The following TUBD1 variants were observed in gnomAD, a reference collection of about 807,000 sequenced individuals.
TUBD1 encodes the protein tubulin delta 1, also known as tubulin delta chain.
Under a neutral mutation model 51.2 loss-of-function variants are expected in TUBD1, and 38 were observed. The ratio of observed to expected loss-of-function variants is 0.74; its 90% CI spans 0.57 to 0.97. The LOEUF is 0.97. Ranked by LOEUF, TUBD1 falls within the 50% of genes least tolerant of loss-of-function variation. The pLI, the probability that TUBD1 is intolerant of heterozygous loss-of-function variation, is 0.00. For synonymous variants in TUBD1, 169 were observed against 178.2 expected, an observed-to-expected ratio of 0.95 and a Z score of 0.41; for missense variants, 489 against 538.4, an observed-to-expected ratio of 0.91 and a Z score of 0.91.
At chr17:59,876,865 A>ATTCTTTTTTTTT (rs2040248178) in intron 5 of TUBD1, among the ~76,000 whole-genome samples, 1 of 146,130 alleles carries the variant, frequency 6.8e-6, no homozygotes, top group South Asian at 2.2e-4. Flanking sequence ...TACCTTAACC[A>ATTCTTTTTTTTT]TTCTTTTTTT....
At chr17:59,872,791 A>G (rs1272028311) in intron 6 of TUBD1, among the ~76,000 whole-genome samples, 3 of 143,784 alleles carry the variant, frequency 2.1e-5, no homozygotes, top group Non-Finnish European at 3.0e-5. Flanking sequence ...TTTGAGATGG[A>G]GTTTCACTGT....
chr17:59,881,999 T>C (rs1480796813), intron 3 of TUBD1, among the ~76,000 whole-genome samples: 2 of 152,124 alleles, frequency 1.3e-5, no homozygotes, highest in African/African-American at 2.4e-5. Flanking sequence ...TACAATAAAT[T>C]ATTGTTAACT....
At position 59,892,837 on chromosome 17, in the gene TUBD1, A is replaced by AT; in HGVS notation, c.-181dup. On this transcript the variant is annotated 5_prime_UTR_variant, in exon 1 of 9. Coordinates refer to ENST00000325752, the MANE Select transcript of TUBD1 (RefSeq NM_016261.4). ...AAACGGAGAGTTTTGTTGTGTATAT[A>AT]TTTTTTCCTATTCAGAAAGATTAAT... 1.2e-5 allele frequency: 3 copies of AT among 248,252 alleles called. No homozygotes were observed. Among genetic ancestry groups the AT allele is most frequent in the Non-Finnish European group, 2.4e-5 (3 of 124,042 alleles). The allele number at this position is 248,252 out of a possible 1,614,324, so 15.4% of individuals were successfully genotyped here. A position where few individuals can be genotyped will look rare whatever the true frequency, so the allele number is the denominator to read the frequency against.
At chr17:59,882,272 A>AT (rs1349936801) in intron 3 of TUBD1, among the ~76,000 whole-genome samples, 1 of 150,278 alleles carries the variant, frequency 6.7e-6, no homozygotes, top group Non-Finnish European at 1.5e-5. Context: ...CTCCTTTTTT[A>AT]TTTTTTTTGT....
chr17:59,886,155 G>C lies in TUBD1; in HGVS notation c.248C>G (p.Ser83Cys), dbSNP rs781124264. ...ATGTTGACCATATTTCCATTGGCCA[G>C]ACTGGGCAGCCTTTGACAGCATTTG... is the stretch of plus-strand genomic sequence containing the variant. Reference protein sequence around the residue: ...INQMLSKAAQSGQWKYGQHAC... With the variant: ...INQMLSKAAQCGQWKYGQHAC... The change falls in exon 3 of 9, where the codon TCT becomes TGT. Residue 83 changes from serine to cysteine, a missense_variant. By Grantham distance (112) the Ser-to-Cys change is moderately radical (BLOSUM62 -1). Transcript: ENST00000325752. The C allele has an allele frequency of 6.2e-7, 1 of 1,613,868 alleles. No individual in the cohort carries two copies. The highest frequency in any genetic ancestry group is 1.7e-5 in the Admixed American group (1 of 59,964).
intron 3 of TUBD1, chr17:59,885,495 C>A: frequency 1.3e-6 from 2 of 1,579,582 alleles, no homozygotes; most frequent in Non-Finnish European, 1.7e-6. Flanking sequence ...ATAATCTGTA[C>A]CTGGAACGAG....
chr17:59,885,424 T>C, intron 3 of TUBD1: 4 of 1,252,420 alleles, frequency 3.2e-6, no homozygotes, highest in Non-Finnish European at 4.7e-6. Context: ...GATATTCATG[T>C]TCTGGGTGGG....
chr17:59,864,312 A>G (rs2039601065), intron 7 of TUBD1, among the ~76,000 whole-genome samples: 1 of 144,560 alleles, frequency 6.9e-6, no homozygotes, highest in African/African-American at 2.6e-5. Context: ...TGCCTGCCTA[A>G]TTGTTGTATT....
At chr17:59,873,054 C>T (rs1394915344) in intron 6 of TUBD1, among the ~76,000 whole-genome samples, 3 of 151,598 alleles carry the variant, frequency 2.0e-5, no homozygotes, top group Non-Finnish European at 4.4e-5. Context: ...TGAGCTACTG[C>T]GCCCAGGCCA....
At chr17:59,880,097 CGCCA>C (rs2040414340) in intron 4 of TUBD1, among the ~76,000 whole-genome samples, 1 of 150,122 alleles carries the variant, frequency 6.7e-6, no homozygotes, top group Non-Finnish European at 1.5e-5. Context: ...CTCGCTCTGT[CGCCA>C]GGCTGGAGTG....
chr17:59,890,995 A>C lies in TUBD1; in HGVS notation c.8T>G (p.Ile3Ser). MSIVTVQLGQCGN... is the reference protein window; with the variant it reads MSSVTVQLGQCGN... ...ACACTGACCAAGTTGCACTGTTACA[A>C]TTGACATGCTGAGCCACAAACTAGG... The change falls in exon 2 of 9, where the codon ATT becomes AGT. Residue 3 changes from isoleucine to serine, a missense_variant. By Grantham distance (142) the Ile-to-Ser change is moderately radical. Transcript: ENST00000325752. 6.2e-7 allele frequency: 1 copy of C among 1,609,998 alleles called. No homozygotes were observed. Among genetic ancestry groups the C allele is most frequent in the South Asian group, 1.1e-5 (1 of 90,206 alleles).
rs947978919 is a variant in TUBD1, at chr17:59,887,538, G to T, written c.173-1308C>A. ...TGTTGGAGCAGAGGATGGAGAAGGAGAGGGTAGAAGTGATGGATGGGGATG... is the reference window on the plus strand; with the variant it reads ...TGTTGGAGCAGAGGATGGAGAAGGATAGGGTAGAAGTGATGGATGGGGATG... On this transcript the variant is annotated intron_variant, in intron 2 of 8. Transcript: ENST00000325752. Among the ~76,000 whole-genome samples, 26 of 152,306 alleles carry T rather than the reference G, an allele frequency of 1.7e-4. No individual in the cohort carries two copies. The East Asian group carries it at 2.5e-3, about 15-fold the overall frequency.
Position 59,878,247 on chromosome 17 carries a change from T to C in TUBD1, c.625A>G (p.Ile209Val), listed in dbSNP as rs1459947580. Residue 209 changes from isoleucine (I) to valine (V), a missense_variant, in exon 5 of 9, where the codon ATC (isoleucine) becomes GTC (valine). Transcript: ENST00000325752. ...DALLLHENDA[I>V]HKICAKLMNI... ...ATCAGTTTTGCACAGATCTTATGGA[T>C]GGCATCATTCTCATGAAGAAGGAGG... 5 of 1,613,976 alleles carry C rather than the reference T, an allele frequency of 3.1e-6. No individual in the cohort carries two copies. Among genetic ancestry groups the C allele is most frequent in the East Asian group, 2.2e-5 (1 of 44,884 alleles).
chr17:59,884,007 T>G (rs1252919247), intron 3 of TUBD1, among the ~76,000 whole-genome samples: 1 of 152,110 alleles, frequency 6.6e-6, no homozygotes, highest in East Asian at 1.9e-4. Context: ...ATGCCTGTAA[T>G]CCTAGCACTT....
At chr17:59,869,705 T>C (rs1319982564) in intron 6 of TUBD1, among the ~76,000 whole-genome samples, 5 of 152,112 alleles carry the variant, frequency 3.3e-5, no homozygotes. Flanking sequence ...TTTCTACTTA[T>C]CTCCAAACCT....
chr17:59,864,329 A>G (rs1297574053), intron 7 of TUBD1, among the ~76,000 whole-genome samples: 1 of 150,686 alleles, frequency 6.6e-6, no homozygotes, highest in Non-Finnish European at 1.5e-5. Flanking sequence ...TATTTTTTGT[A>G]GAGATGGGGT....
intron 6 of TUBD1, among the ~76,000 whole-genome samples, chr17:59,868,768 C>A (rs533219133): frequency 6.6e-6 from 1 of 151,858 alleles, no homozygotes; most frequent in Non-Finnish European, 1.5e-5. Flanking sequence ...ACCCGGGAGG[C>A]GGAGGTTGCA....
chr17:59,885,280 G>T, intron 3 of TUBD1: 1 of 584,308 alleles, frequency 1.7e-6, no homozygotes, highest in South Asian at 1.6e-5. Flanking sequence ...GTATAGCTGG[G>T]ACCAGCTGGA....
In TUBD1 at chr17:59,872,445, C is replaced by T. The variant is rs139706599; in HGVS notation, c.934+2094G>A. Among the ~76,000 whole-genome samples the T allele has an allele frequency of 2.6e-5, 4 of 151,898 alleles. No individual in the cohort carries two copies. The East Asian group carries it at 5.8e-4, about 22-fold the overall frequency. On this transcript the variant is annotated intron_variant, in intron 6 of 8. Coordinates refer to ENST00000325752, the MANE Select transcript of TUBD1 (RefSeq NM_016261.4). ...TTTCAGGATAAGTTGGTAATAGGTA[C>T]AGAAAATATCAACTGAATAAATATA... is the stretch of plus-strand genomic sequence containing the variant.
Sources: allele counts gnomAD v4.1 joint callset (sites outside exome capture counted in the v4.1 genomes callset), GRCh38; gene constraint gnomAD v4.1.1; transcripts MANE v1.5; gene names NCBI Gene and HGNC (gene_info 2026-07-23, HGNC 2026-07-21).